The following CDK5RAP2 variants were observed in gnomAD, a reference collection of about 807,000 sequenced individuals.
CDK5RAP2 encodes the protein CDK5 regulatory subunit-associated protein 2.
In CDK5RAP2, 147 loss-of-function variants were observed where a neutral mutation model predicts 232.9. The ratio of observed to expected loss-of-function variants is 0.63; its 90% confidence interval spans 0.55 to 0.72. The LOEUF (loss-of-function observed/expected upper bound fraction) is 0.72. CDK5RAP2 is among the 30% of genes least tolerant of loss of function. CDK5RAP2 has a pLI of 0.00. For missense variants in CDK5RAP2, 2,195 were observed against 2,231.5 expected, an observed-to-expected ratio of 0.98 and a Z score of 0.33; for synonymous variants, 833 against 833.7, an observed-to-expected ratio of 1.00 and a Z score of 0.01.
At chr9:120,404,614 G>A (rs1054519513) in intron 32 of CDK5RAP2, among the ~76,000 whole-genome samples, 1 of 152,156 alleles carries the variant, frequency 6.6e-6, no homozygotes. Context: ...CCCAAGGCCC[G>A]GGTGCAGGGA....
intron 23 of CDK5RAP2, among the ~76,000 whole-genome samples, chr9:120,441,418 T>C (rs989405182): frequency 6.6e-6 from 1 of 151,986 alleles, no homozygotes; most frequent in African/African-American, 2.4e-5. Flanking sequence ...GAACAAAATC[T>C]GCAAAAAGAA....
intron 22 of CDK5RAP2, among the ~76,000 whole-genome samples, chr9:120,445,471 A>G (rs564222921): frequency 6.6e-6 from 1 of 152,080 alleles, no homozygotes; most frequent in East Asian, 1.9e-4. Context: ...TGCTGTCTCC[A>G]ATCTCTCTCC....
intron 3 of CDK5RAP2, among the ~76,000 whole-genome samples, chr9:120,562,149 G>T (rs2042484866): frequency 6.6e-6 from 1 of 152,158 alleles, no homozygotes; most frequent in Non-Finnish European, 1.5e-5. Context: ...CATCAACAGA[G>T]CTTTATTCCT....
At chr9:120,390,726 C>T (rs558140083) in intron 36 of CDK5RAP2, among the ~76,000 whole-genome samples, 17 of 152,276 alleles carry the variant, frequency 1.1e-4, no homozygotes, top group African/African-American at 4.1e-4. Flanking sequence ...CTTCTGGAGC[C>T]GCGCCTTTAG....
intron 16 of CDK5RAP2, among the ~76,000 whole-genome samples, 178 bp from the exon 17 acceptor site, chr9:120,470,398 T>G (rs937396989): frequency 6.6e-6 from 1 of 152,150 alleles, no homozygotes; most frequent in Non-Finnish European, 1.5e-5. Context: ...GGAGCAAAAT[T>G]AATTTTCCCT....
At chr9:120,477,903 G>A (rs2038103888) in intron 14 of CDK5RAP2, among the ~76,000 whole-genome samples, 1 of 152,204 alleles carries the variant, frequency 6.6e-6, no homozygotes, top group Non-Finnish European at 1.5e-5. Context: ...GTCAACTGAG[G>A]TATTCTTGGG....
intron 25 of CDK5RAP2, 44 bp downstream of exon 25, chr9:120,437,251 T>C (rs780668169): frequency 7.1e-7 from 1 of 1,402,066 alleles, no homozygotes; most frequent in Non-Finnish European, 1.0e-6. Flanking sequence ...AAGTCCTGGG[T>C]CAATTACTGA....
chr9:120,438,553 CA>C (rs2035718475), intron 24 of CDK5RAP2, among the ~76,000 whole-genome samples: 2 of 152,148 alleles, frequency 1.3e-5, no homozygotes, highest in Admixed American at 6.5e-5. Context: ...TGGCTCTGAC[CA>C]GCTCTGTGAA....
intron 3 of CDK5RAP2, among the ~76,000 whole-genome samples, chr9:120,556,974 T>A (rs1168405763): frequency 1.3e-5 from 2 of 152,196 alleles, no homozygotes; most frequent in Non-Finnish European, 2.9e-5. Flanking sequence ...AAGAGAAACC[T>A]TATTCTGTTA....
At chr9:120,462,480 A>T (rs114865501) in intron 18 of CDK5RAP2, among the ~76,000 whole-genome samples, 2,468 of 152,242 alleles carry the variant, frequency 0.016, 70 homozygotes, top group African/African-American at 0.056. Flanking sequence ...AGAATTGTAC[A>T]TGAATGCCCA....
At chr9:120,575,527 C>T (rs1203706464) in intron 1 of CDK5RAP2, among the ~76,000 whole-genome samples, 1 of 152,162 alleles carries the variant, frequency 6.6e-6, no homozygotes, top group Non-Finnish European at 1.5e-5. Context: ...GGTCTTATGT[C>T]TCCTTGACAA....
At position 120,422,823 on chromosome 9, in the gene CDK5RAP2, G is replaced by A. The variant is rs2034650785; in HGVS notation, c.3956-82C>T. 5 of 992,948 alleles carry A rather than the reference G, an allele frequency of 5.0e-6. No homozygotes were observed. The East Asian group carries it at 9.7e-5, about 19-fold the overall frequency. The allele number at this position is 992,948 out of a possible 1,614,324, so 61.5% of individuals were successfully genotyped here. ...CTAATAATTTCCTGCTCATACATTT[G>A]CAGAAGCACTATTCCACTTGTTTAA... On this transcript the variant is annotated intron_variant, in intron 25 of 37. Transcript: ENST00000349780.
intron 12 of CDK5RAP2, among the ~76,000 whole-genome samples, chr9:120,498,028 A>G (rs1479530803): frequency 6.6e-6 from 1 of 152,190 alleles, no homozygotes; most frequent in African/African-American, 2.4e-5. Flanking sequence ...GATGGATTGT[A>G]TCTTGAGTTA....
rs148932283 is a variant in CDK5RAP2 at position 120,439,929 on chromosome 9, T to C, written c.3192A>G (p.Ser1064=). The change falls in exon 24 of 38, where the codon TCA becomes TCG. Residue 1064 remains serine, a synonymous_variant. Coordinates refer to ENST00000349780, the MANE Select transcript of CDK5RAP2 (RefSeq NM_018249.6). ...GAACATCTTCAGGATTTTCTTTGCATGATGGCAAGCTGGCAAGGTCATCAG... is the reference window on the plus strand; with the variant it reads ...GAACATCTTCAGGATTTTCTTTGCACGATGGCAAGCTGGCAAGGTCATCAG... ...CPPDDLASLP[S]CKENPEDVLS... is the part of the protein sequence containing the mutation. 4.3e-6 allele frequency: 7 copies of C among 1,614,204 alleles called. No individual in the cohort carries two copies. The Admixed American group carries it at 6.7e-5, about 15-fold the overall frequency.
chr9:120,395,826 C>T (rs1473270733), intron 35 of CDK5RAP2, among the ~76,000 whole-genome samples: 1 of 152,190 alleles, frequency 6.6e-6, no homozygotes, highest in Non-Finnish European at 1.5e-5. Flanking sequence ...AAGCAAGTCA[C>T]TAAAAAACAC....
chr9:120,429,102 G>T (rs976384693), intron 25 of CDK5RAP2, among the ~76,000 whole-genome samples: 1 of 152,098 alleles, frequency 6.6e-6, no homozygotes, highest in East Asian at 1.9e-4. Context: ...TTGATCGAAC[G>T]TTATCTCAAA....
intron 20 of CDK5RAP2, among the ~76,000 whole-genome samples, chr9:120,457,670 T>C (rs2036855827): frequency 6.6e-6 from 1 of 152,276 alleles, no homozygotes; most frequent in Non-Finnish European, 1.5e-5. Context: ...CTAGGGTTCC[T>C]GGCTCTTATC....
In CDK5RAP2 at chr9:120,453,581, T is replaced by C. The variant is rs2036590123; in HGVS notation, c.2668A>G (p.Thr890Ala). The C allele has an allele frequency of 1.9e-6, 3 of 1,614,054 alleles. No homozygotes were observed. The highest frequency in any genetic ancestry group is 2.7e-5 in the African/African-American group (2 of 74,918). Residue 890 changes from threonine to alanine, a missense_variant, in exon 21 of 38, where the codon ACA becomes GCA. Physicochemically the swap from Thr to Ala is moderately conservative, Grantham distance 58. Coordinates refer to ENST00000349780, the MANE Select transcript of CDK5RAP2 (RefSeq NM_018249.6). ...GDLLRFKHEA[T>A]REAWEEKPIN... ...GGTTTCTCTTCCCAAGCCTCTCTTG[T>C]TGCTTCATGCTTGAATCTCAGCAGG... is the stretch of plus-strand genomic sequence containing the variant.
chr9:120,496,911 G>A (rs2039306009), intron 12 of CDK5RAP2, among the ~76,000 whole-genome samples: 1 of 141,454 alleles, frequency 7.1e-6, no homozygotes, highest in African/African-American at 3.0e-5. Context: ...TGGGAGGTGT[G>A]CCCAACAGCT....
Sources: gnomAD v4.1 joint callset for allele counts (sites outside exome capture counted in the v4.1 genomes callset) on GRCh38, gnomAD v4.1.1 for gene constraint, MANE v1.5 for transcripts, NCBI Gene and HGNC (gene_info 2026-07-23, HGNC 2026-07-21) for gene names.